ERC2: variants seen among roughly 807,000 people sequenced by gnomAD.
ERC2 encodes ERC protein 2.
In ERC2, 42 loss-of-function variants were observed where a neutral mutation model predicts 114.8. That is an observed-to-expected ratio of 0.37 (90% CI 0.29 to 0.47). ERC2 has a LOEUF of 0.47. Ranked by LOEUF, ERC2 falls within the 20% of genes least tolerant of loss-of-function variation. The pLI, the probability that ERC2 is intolerant of heterozygous loss-of-function variation, is 0.99. For missense variants in ERC2, 939 were observed against 1,150.7 expected, an observed-to-expected ratio of 0.82 and a Z score of 2.66; for synonymous variants, 454 against 425.5, an observed-to-expected ratio of 1.07 and a Z score of -0.82.
chr3:55,806,526 T>G (rs1038035412), intron 14 of ERC2, among the ~76,000 whole-genome samples: 2 of 152,018 alleles, frequency 1.3e-5, no homozygotes, highest in East Asian at 3.9e-4. Flanking sequence ...AGCAATAGAA[T>G]TGAGCCCCGG....
chr3:55,595,997 C>A (rs565626342), intron 17 of ERC2, among the ~76,000 whole-genome samples: 2 of 152,280 alleles, frequency 1.3e-5, no homozygotes, highest in East Asian at 3.9e-4. Flanking sequence ...TAGAGAAAGC[C>A]CTTAAACTAA....
intron 3 of ERC2, among the ~76,000 whole-genome samples, chr3:56,194,506 A>G (rs576804286): frequency 7.3e-4 from 111 of 152,184 alleles, no homozygotes; most frequent in South Asian, 1.2e-3. Context: ...GTCTACCTAT[A>G]CAGGGCACTT....
chr3:56,016,417 CT>C (rs1359229000), intron 8 of ERC2, among the ~76,000 whole-genome samples: 11 of 104,500 alleles, frequency 1.1e-4, no homozygotes, highest in Admixed American at 3.1e-4. Flanking sequence ...TTGTAGCTTC[CT>C]TTTTTTTTCT....
At chr3:55,715,492 T>C (rs2064065694) in intron 15 of ERC2, among the ~76,000 whole-genome samples, 2 of 152,288 alleles carry the variant, frequency 1.3e-5, no homozygotes, top group Middle Eastern at 3.4e-3. Context: ...TTGGTAATTA[T>C]ATAGAAGCTT....
At chr3:55,748,007 A>C (rs949462042) in intron 14 of ERC2, among the ~76,000 whole-genome samples, 1 of 152,232 alleles carries the variant, frequency 6.6e-6, no homozygotes, top group Admixed American at 6.5e-5. Context: ...AAGGAACCTG[A>C]AACCAGACAG....
At position 56,156,333 on chromosome 3, in the gene ERC2, G is replaced by A. The variant is rs544318563; in HGVS notation, c.1150-7201C>T. ...TTGGTGACATGAGGGTAGTTTCATC[G>A]GAGTTGTGTTGCCATAATTGGAAAC... On this transcript the variant is annotated intron_variant, in intron 4 of 17. Transcript: ENST00000288221. 3.3e-5 allele frequency among the ~76,000 whole-genome samples: 5 copies of A among 152,204 alleles called. No individual in the cohort carries two copies. In the South Asian group the frequency reaches 8.3e-4, roughly 25 times the overall value.
intron 13 of ERC2, among the ~76,000 whole-genome samples, chr3:55,906,132 C>T (rs1208620772): frequency 1.3e-5 from 2 of 152,054 alleles, no homozygotes; most frequent in African/African-American, 2.4e-5. Flanking sequence ...TGACTCATAA[C>T]TAGAATTAGC....
At chr3:55,979,083 T>C (rs2069849010) in intron 12 of ERC2, among the ~76,000 whole-genome samples, 1 of 152,204 alleles carries the variant, frequency 6.6e-6, no homozygotes, top group Non-Finnish European at 1.5e-5. Flanking sequence ...TATTCATTAT[T>C]ATAACCAACT....
intron 17 of ERC2, among the ~76,000 whole-genome samples, chr3:55,623,672 T>G (rs558910416): frequency 2.0e-5 from 3 of 152,248 alleles, no homozygotes; most frequent in Non-Finnish European, 2.9e-5. Context: ...ACCCTGCCAC[T>G]CTGGTTCATA....
At chr3:56,335,676 C>T (rs954944720) in intron 2 of ERC2, among the ~76,000 whole-genome samples, 2 of 152,088 alleles carry the variant, frequency 1.3e-5, no homozygotes, top group African/African-American at 2.4e-5. Flanking sequence ...ATTAAAATTC[C>T]AAATCAATCT....
chr3:55,665,082 C>G (rs970858479), intron 17 of ERC2, among the ~76,000 whole-genome samples: 1 of 152,108 alleles, frequency 6.6e-6, no homozygotes, highest in African/African-American at 2.4e-5. Flanking sequence ...GAAGAGGGTG[C>G]GCGGTGAAGG....
chr3:56,042,572 A>G (rs1299583459), intron 7 of ERC2, among the ~76,000 whole-genome samples: 1 of 152,196 alleles, frequency 6.6e-6, no homozygotes, highest in Non-Finnish European at 1.5e-5. Context: ...GCACTATACA[A>G]GCTCTACCAA....
chr3:55,787,169 C>T (rs989379585), intron 14 of ERC2, among the ~76,000 whole-genome samples: 32 of 152,278 alleles, frequency 2.1e-4, no homozygotes, highest in African/African-American at 7.2e-4. Context: ...GTAATCCTAG[C>T]ACTTTGGGAG....
At chr3:55,913,752 T>A (rs1415348175) in intron 13 of ERC2, among the ~76,000 whole-genome samples, 1 of 152,152 alleles carries the variant, frequency 6.6e-6, no homozygotes, top group African/African-American at 2.4e-5. Context: ...ACTCACCACC[T>A]CACCTCCCTT....
intron 17 of ERC2, among the ~76,000 whole-genome samples, chr3:55,547,776 G>T (rs531067566): frequency 6.6e-6 from 1 of 152,336 alleles, no homozygotes; most frequent in Non-Finnish European, 1.5e-5. Context: ...TGAAGGAATT[G>T]TCAAATGAAA....
At chr3:55,724,118 C>A (rs1020018212) in intron 15 of ERC2, among the ~76,000 whole-genome samples, 3 of 152,172 alleles carry the variant, frequency 2.0e-5, no homozygotes, top group African/African-American at 7.2e-5. Context: ...AACACAAAGG[C>A]TGCAGGAGGT....
At chr3:55,598,651 G>T (rs1028736686) in intron 17 of ERC2, among the ~76,000 whole-genome samples, 2 of 152,250 alleles carry the variant, frequency 1.3e-5, no homozygotes, top group Non-Finnish European at 2.9e-5. Context: ...GTTATGGAAT[G>T]AATCTTAATG....
At chr3:56,434,140 G>T in intron 2 of ERC2, 1 of 542,882 alleles carries the variant, frequency 1.8e-6, no homozygotes, top group Non-Finnish European at 3.3e-6. Context: ...CTGCAACCAT[G>T]TGAAAAGGTT....
intron 17 of ERC2, among the ~76,000 whole-genome samples, chr3:55,557,720 C>A (rs2055716380): frequency 6.6e-6 from 1 of 152,244 alleles, no homozygotes; most frequent in Non-Finnish European, 1.5e-5. Context: ...TCCCTGCCAA[C>A]CTCTTCTCAC....
Sources: allele counts gnomAD v4.1 joint callset (sites outside exome capture counted in the v4.1 genomes callset), GRCh38; gene constraint gnomAD v4.1.1; transcripts MANE v1.5; gene names NCBI Gene and HGNC (gene_info 2026-07-23, HGNC 2026-07-21).